The following CPPED1 variants were observed in gnomAD, a reference collection of about 807,000 sequenced individuals.
CPPED1 encodes the protein serine/threonine-protein phosphatase CPPED1.
Under a neutral mutation model 28.0 loss-of-function variants are expected in CPPED1, and 28 were observed. That is an observed-to-expected ratio of 1.00 (90% CI 0.74 to 1.37). The LOEUF is 1.37. Among genes scored for constraint, CPPED1 ranks in the 40% most tolerant of loss-of-function variants. The probability of loss-of-function intolerance (pLI) is 0.00; values close to 1 mark genes in which losing one functional copy is unlikely to be tolerated. For missense variants in CPPED1, 504 were observed against 416.5 expected (o/e 1.21, Z -1.83); for synonymous variants, 198 against 180.2 (o/e 1.10, Z -0.79).
At chr16:12,720,721 GC>G (rs1415003851) in intron 2 of CPPED1, among the ~76,000 whole-genome samples, 1 of 152,156 alleles carries the variant, frequency 6.6e-6, no homozygotes, top group African/African-American at 2.4e-5. Context: ...CAGGTGATCT[GC>G]CCGTCTTGGC....
In CPPED1 at chr16:12,704,695, T is replaced by C. The variant is rs2080038945; in HGVS notation, c.644A>G (p.Glu215Gly). 6.2e-7 allele frequency: 1 copy of C among 1,614,244 alleles called. No individual in the cohort carries two copies. ...HIPLFLESID[E>G]DDDYYFNLSK... ...GAGGTTGAAGTAGTAGTCGTCGTCC[T>C]CGTCGATGCTCTCCAGGAACAGCGG... Residue 215 changes from glutamate (E) to glycine (G), a missense_variant, in exon 3 of 4, where the codon GAG (glutamate) becomes GGG (glycine). Glu to Gly is a moderately conservative substitution (Grantham distance 98). Coordinates refer to ENST00000381774, the MANE Select transcript of CPPED1 (RefSeq NM_018340.3).
intron 3 of CPPED1, among the ~76,000 whole-genome samples, chr16:12,692,389 C>T (rs2079968281): frequency 6.6e-6 from 1 of 152,220 alleles, no homozygotes; most frequent in African/African-American, 2.4e-5. Context: ...GTGTCCCTTA[C>T]ACATCCTTTT....
chr16:12,787,506 G>C (rs2141242620), intron 1 of CPPED1, among the ~76,000 whole-genome samples: 1 of 150,936 alleles, frequency 6.6e-6, no homozygotes, highest in African/African-American at 2.4e-5. Flanking sequence ...CTCGGTTCAA[G>C]TGATTCTCCC....
chr16:12,768,552 C>T (rs954957866), intron 2 of CPPED1, among the ~76,000 whole-genome samples: 1 of 152,136 alleles, frequency 6.6e-6, no homozygotes, highest in East Asian at 1.9e-4. Context: ...ACATGTTGAC[C>T]ATGAAAAGGT....
rs2079798258 is a variant in CPPED1, at chr16:12,662,109, T to C, written c.*2777A>G. The C allele has an allele frequency of 6.6e-6, 1 of 152,210 alleles. No homozygotes were observed. Among genetic ancestry groups the C allele is most frequent in the Non-Finnish European group, 1.5e-5 (1 of 68,038 alleles). The allele number at this position is 152,210 out of a possible 1,614,324, so 9.4% of individuals were successfully genotyped here. A position where few individuals can be genotyped will look rare whatever the true frequency, so the allele number is the denominator to read the frequency against. ...CCCCCACCTTTCTGAGCCAAAGCACTTAAAACACATAATAAACATTCAAAA... is the reference window on the plus strand; with the variant it reads ...CCCCCACCTTTCTGAGCCAAAGCACCTAAAACACATAATAAACATTCAAAA... On this transcript the variant is annotated 3_prime_UTR_variant, in exon 4 of 4. Transcript: ENST00000381774.
At chr16:12,734,017 C>T (rs2080212945) in intron 2 of CPPED1, among the ~76,000 whole-genome samples, 1 of 142,186 alleles carries the variant, frequency 7.0e-6, no homozygotes, top group South Asian at 2.2e-4. Context: ...GCAATAATTA[C>T]AGGACAATAA....
intron 3 of CPPED1, among the ~76,000 whole-genome samples, chr16:12,696,948 TC>T (rs1258294040): frequency 6.6e-6 from 1 of 152,114 alleles, no homozygotes; most frequent in African/African-American, 2.4e-5. Context: ...AGACGCTAAT[TC>T]CCCCTGTACA....
chr16:12,746,899 A>C (rs2080292478), intron 2 of CPPED1, among the ~76,000 whole-genome samples: 1 of 152,090 alleles, frequency 6.6e-6, no homozygotes, highest in Non-Finnish European at 1.5e-5. Context: ...ATAAAGGGTT[A>C]TAGCTAATGG....
intron 3 of CPPED1, among the ~76,000 whole-genome samples, chr16:12,694,007 ACCAG>A (rs2079976737): frequency 6.6e-6 from 1 of 152,150 alleles, no homozygotes; most frequent in African/African-American, 2.4e-5. Context: ...GGAGTTAGAG[ACCAG>A]CCTGGCCAAC....
chr16:12,771,232 C>T (rs1461865152), intron 2 of CPPED1, among the ~76,000 whole-genome samples: 1 of 152,210 alleles, frequency 6.6e-6, no homozygotes, highest in Non-Finnish European at 1.5e-5. Context: ...TTCACTAACA[C>T]AGCACAAACA....
At chr16:12,698,343 G>A (rs759103542) in intron 3 of CPPED1, among the ~76,000 whole-genome samples, 3 of 152,112 alleles carry the variant, frequency 2.0e-5, no homozygotes, top group South Asian at 2.1e-4. Flanking sequence ...GCAATACAGC[G>A]CAAAGGATGT....
intron 1 of CPPED1, among the ~76,000 whole-genome samples, chr16:12,801,103 G>C (rs116569128): frequency 0.041 from 6,215 of 152,050 alleles, 295 homozygotes; most frequent in East Asian, 0.11. Context: ...TTTTTTGTTT[G>C]TTTGTTTTGA....
At chr16:12,708,320 C>A (rs182200230) in intron 2 of CPPED1, among the ~76,000 whole-genome samples, 146 of 152,126 alleles carry the variant, frequency 9.6e-4, no homozygotes, top group African/African-American at 3.4e-3. Flanking sequence ...TTAGGTAAGT[C>A]CCTTGGTTCC....
intron 2 of CPPED1, among the ~76,000 whole-genome samples, chr16:12,765,076 T>C (rs1475613175): frequency 6.6e-6 from 1 of 152,232 alleles, no homozygotes; most frequent in Non-Finnish European, 1.5e-5. Context: ...GGAGTGGAAC[T>C]CAAGTAAATG....
chr16:12,706,074 T>C (rs1478677423), intron 2 of CPPED1, among the ~76,000 whole-genome samples: 3 of 152,144 alleles, frequency 2.0e-5, no homozygotes, highest in South Asian at 2.1e-4. Flanking sequence ...CTCACTGCAA[T>C]AGTTTTATAT....
At chr16:12,699,123 A>G (rs1469287875) in intron 3 of CPPED1, among the ~76,000 whole-genome samples, 1 of 152,178 alleles carries the variant, frequency 6.6e-6, no homozygotes, top group South Asian at 2.1e-4. Context: ...AAATTTCATT[A>G]TCTACTATCT....
chr16:12,677,155 C>G (rs1330115934), intron 3 of CPPED1, among the ~76,000 whole-genome samples: 2 of 152,210 alleles, frequency 1.3e-5, no homozygotes, highest in Non-Finnish European at 2.9e-5. Flanking sequence ...CATTTTTAAT[C>G]CTTCTGACAC....
intron 1 of CPPED1, among the ~76,000 whole-genome samples, chr16:12,799,944 G>C (rs1324657299): frequency 6.6e-6 from 1 of 152,134 alleles, no homozygotes; most frequent in African/African-American, 2.4e-5. Flanking sequence ...AGCAGGGTAG[G>C]TATCTTATAG....
At chr16:12,690,390 C>G (rs1050874914) in intron 3 of CPPED1, among the ~76,000 whole-genome samples, 1 of 151,898 alleles carries the variant, frequency 6.6e-6, no homozygotes, top group Non-Finnish European at 1.5e-5. Flanking sequence ...GGGGAGCACC[C>G]ATAGTCCTGG....
Sources: allele counts gnomAD v4.1 joint callset (sites outside exome capture counted in the v4.1 genomes callset), GRCh38; gene constraint gnomAD v4.1.1; transcripts MANE v1.5; gene names NCBI Gene and HGNC (gene_info 2026-07-23, HGNC 2026-07-21).